FPR3: variants seen among roughly 807,000 people sequenced by gnomAD.
The protein encoded by FPR3 is N-formyl peptide receptor 3.
For missense variants in FPR3, 346 were observed against 443.2 expected (o/e 0.78, Z 1.97); for synonymous variants, 135 against 163.6 (o/e 0.83, Z 1.34).
chr19:51,799,521 G>A (rs948271583), intron 1 of FPR3, among the ~76,000 whole-genome samples: 4 of 152,222 alleles, frequency 2.6e-5, no homozygotes, highest in Non-Finnish European at 5.9e-5. Flanking sequence ...GTGTGTGGAT[G>A]ACTCACGCAC....
chr19:51,819,269 T>C (rs550522513), intron 1 of FPR3, among the ~76,000 whole-genome samples: 1 of 152,268 alleles, frequency 6.6e-6, no homozygotes, highest in Admixed American at 6.5e-5. Flanking sequence ...AAGAAGTCAA[T>C]TGGTTATATG....
At chr19:51,797,708 A>G (rs1034108374) in intron 1 of FPR3, among the ~76,000 whole-genome samples, 4 of 152,256 alleles carry the variant, frequency 2.6e-5, no homozygotes, top group African/African-American at 2.4e-5. Context: ...GATAATGTTC[A>G]TAAGTAGAAG....
chr19:51,802,742 G>A (rs1599830009), intron 1 of FPR3, among the ~76,000 whole-genome samples: 1 of 152,148 alleles, frequency 6.6e-6, no homozygotes, highest in South Asian at 2.1e-4. Flanking sequence ...ACTGTTGAAG[G>A]TGTCTTCTAT....
At chr19:51,797,654 A>G (rs2084007572) in intron 1 of FPR3, among the ~76,000 whole-genome samples, 2 of 152,100 alleles carry the variant, frequency 1.3e-5, no homozygotes, top group Non-Finnish European at 2.9e-5. Flanking sequence ...CACAGAGCCT[A>G]TGAGAGGAGT....
intron 1 of FPR3, among the ~76,000 whole-genome samples, chr19:51,817,313 T>C (rs79530843): frequency 0.026 from 3,895 of 152,146 alleles, 162 homozygotes; most frequent in African/African-American, 0.088. Context: ...AAAACCAAAA[T>C]AGAGTCACTC....
chr19:51,804,394 T>C (rs1048266939), intron 1 of FPR3, among the ~76,000 whole-genome samples: 1 of 152,210 alleles, frequency 6.6e-6, no homozygotes, highest in Non-Finnish European at 1.5e-5. Flanking sequence ...AAATACATCA[T>C]ATGTATATAT....
intron 1 of FPR3, among the ~76,000 whole-genome samples, chr19:51,806,876 A>C (rs1331585126): frequency 6.6e-6 from 1 of 152,264 alleles, no homozygotes. Flanking sequence ...CTAAATTTAC[A>C]ACATAAGCTG....
At chr19:51,822,855 T>C (rs936850612) in intron 1 of FPR3, among the ~76,000 whole-genome samples, 4 of 151,976 alleles carry the variant, frequency 2.6e-5, no homozygotes, top group African/African-American at 7.3e-5. Flanking sequence ...GGATGTAATA[T>C]ATTTCTGCTC....
chr19:51,809,448 A>G (rs2084082838), intron 1 of FPR3, among the ~76,000 whole-genome samples: 1 of 152,180 alleles, frequency 6.6e-6, no homozygotes, highest in Non-Finnish European at 1.5e-5. Flanking sequence ...ATTAGAGGCT[A>G]TGGGTTGGGA....
intron 1 of FPR3, among the ~76,000 whole-genome samples, chr19:51,814,785 A>G (rs981543741): frequency 1.4e-5 from 2 of 143,752 alleles, no homozygotes; most frequent in Non-Finnish European, 3.0e-5. Context: ...GAGCCACTGC[A>G]CTCGGCCTAA....
intron 1 of FPR3, among the ~76,000 whole-genome samples, chr19:51,796,272 G>A (rs1434115461): frequency 6.6e-6 from 1 of 152,204 alleles, no homozygotes. Flanking sequence ...CAAGTTCAAG[G>A]AATTAGAGCC....
intron 1 of FPR3, among the ~76,000 whole-genome samples, chr19:51,816,021 T>G (rs1324465500): frequency 6.6e-6 from 1 of 151,166 alleles, no homozygotes; most frequent in African/African-American, 2.4e-5. Context: ...GAGCTGTGAC[T>G]GCACCACTAC....
intron 1 of FPR3, among the ~76,000 whole-genome samples, chr19:51,806,868 A>G (rs1055148358): frequency 6.6e-6 from 1 of 152,248 alleles, no homozygotes; most frequent in African/African-American, 2.4e-5. Flanking sequence ...GCGAATGGCT[A>G]AATTTACAAC....
intron 1 of FPR3, among the ~76,000 whole-genome samples, chr19:51,821,065 C>T (rs1462129541): frequency 1.3e-5 from 2 of 152,214 alleles, no homozygotes; most frequent in African/African-American, 4.8e-5. Context: ...TGACACAGCA[C>T]ACAGCCTGGT....
chr19:51,820,309 G>A (rs2084178845), intron 1 of FPR3, among the ~76,000 whole-genome samples: 1 of 152,178 alleles, frequency 6.6e-6, no homozygotes, highest in Non-Finnish European at 1.5e-5. Flanking sequence ...CATTGAACAA[G>A]TCACTTCCCC....
intron 1 of FPR3, among the ~76,000 whole-genome samples, chr19:51,796,364 AG>A (rs2122404576): frequency 6.6e-6 from 1 of 152,320 alleles, no homozygotes; most frequent in East Asian, 1.9e-4. Flanking sequence ...GCAGTGGATA[AG>A]GGAACCTAGG....
At chr19:51,806,377 T>C (rs919333854) in intron 1 of FPR3, among the ~76,000 whole-genome samples, 3 of 152,222 alleles carry the variant, frequency 2.0e-5, no homozygotes, top group Non-Finnish European at 4.4e-5. Flanking sequence ...CTTCTGGGGA[T>C]TTCCATAACA....
At chr19:51,808,300 T>A (rs1484410598) in intron 1 of FPR3, among the ~76,000 whole-genome samples, 1 of 152,244 alleles carries the variant, frequency 6.6e-6, no homozygotes, top group Admixed American at 6.5e-5. Flanking sequence ...CATACACTTC[T>A]CTCTGTAACA....
At chr19:51,801,509 G>A (rs1003139766) in intron 1 of FPR3, among the ~76,000 whole-genome samples, 4 of 152,142 alleles carry the variant, frequency 2.6e-5, no homozygotes, top group Non-Finnish European at 4.4e-5. Context: ...GGCCGGACGC[G>A]GTGGCTCACG....
Sources: gnomAD v4.1 joint callset for allele counts (sites outside exome capture counted in the v4.1 genomes callset) on GRCh38, gnomAD v4.1.1 for gene constraint, MANE v1.5 for transcripts, NCBI Gene and HGNC (gene_info 2026-07-23, HGNC 2026-07-21) for gene names.